SARM1: variants seen among roughly 807,000 people sequenced by gnomAD.
The protein encoded by SARM1 is sterile alpha and TIR motif containing 1, also known as NAD(+) hydrolase SARM1.
In SARM1, 60 loss-of-function variants were observed where a neutral mutation model predicts 65.1. The observed-to-expected ratio is 0.92, with a 90% CI of 0.75 to 1.14. The LOEUF (loss-of-function observed/expected upper bound fraction) is 1.14, where lower values mean the gene tolerates loss of function less well. Ranked by LOEUF, SARM1 falls within the 50% of genes most tolerant of loss-of-function variation. The probability of loss-of-function intolerance (pLI) is 0.00; values close to 1 mark genes in which losing one functional copy is unlikely to be tolerated. For missense variants in SARM1, 913 were observed against 1,015.7 expected (o/e 0.90, Z 1.37); for synonymous variants, 417 against 465.4 (o/e 0.90, Z 1.34).
Position 28,381,343 on chromosome 17 carries a change from C to T in SARM1, c.611C>T (p.Ala204Val). The change falls in exon 2 of 9, where the codon GCG becomes GTG. Residue 204 changes from alanine to valine, a missense_variant. Coordinates refer to ENST00000585482, the MANE Select transcript of SARM1 (RefSeq NM_015077.4). The stretch of plus-strand genomic sequence containing the variant: ...GAGGAGACATGCCAGAGGCTGGTGG[C>T]GGCCGGCGGCCTGGACGCGGTGCTG... ...HSEETCQRLVAAGGLDAVLYW... is the reference protein window; with the variant it reads ...HSEETCQRLVVAGGLDAVLYW... The T allele has an allele frequency of 6.3e-7, 1 of 1,586,434 alleles. No homozygotes were observed. Among genetic ancestry groups the T allele is most frequent in the Non-Finnish European group, 8.6e-7 (1 of 1,167,638 alleles).
Position 28,388,188 on chromosome 17 carries a change from C to T in SARM1, c.1645C>T (p.Pro549Ser). 1 of 1,549,714 alleles carries T rather than the reference C, an allele frequency of 6.5e-7. No individual in the cohort carries two copies. Among genetic ancestry groups the T allele is most frequent in the South Asian group, 1.2e-5 (1 of 83,978 alleles). Residue 549 changes from proline to serine, a missense_variant, in exon 6 of 9, where the codon CCG becomes TCG. Pro to Ser is a moderately conservative substitution (Grantham distance 74). Transcript: ENST00000585482. Reference sequence around the variant, plus strand: ...GCCCACTTCAGAAATGCTACACTCCCCGCTGCCCTGTACTGGTGGCAAACC... The same window carrying T: ...GCCCACTTCAGAAATGCTACACTCCTCGCTGCCCTGTACTGGTGGCAAACC... Reference protein sequence around the residue: ...LTAAREMLHSPLPCTGGKPSG... With the variant: ...LTAAREMLHSSLPCTGGKPSG...
At chr17:28,380,291 C>T (rs961369996) in intron 1 of SARM1, among the ~76,000 whole-genome samples, 14 of 152,176 alleles carry the variant, frequency 9.2e-5, no homozygotes, top group African/African-American at 3.1e-4. Flanking sequence ...TCCTCAAACA[C>T]GTCAGCTCCT....
At chr17:28,395,726 G>T in intron 7 of SARM1, 179 bp from the exon 8 acceptor site, 1 of 635,628 alleles carries the variant, frequency 1.6e-6, no homozygotes, top group South Asian at 2.0e-5. Flanking sequence ...TCTGGGCAAA[G>T]GAAAAATATT....
In SARM1 at chr17:28,381,818, C is replaced by A; in HGVS notation, c.1086C>A (p.Thr362=). The A allele has an allele frequency of 6.9e-7, 1 of 1,444,862 alleles. No individual in the cohort carries two copies. The highest frequency in any genetic ancestry group is 1.4e-5 in the African/African-American group (1 of 68,966). The allele number at this position is 1,444,862 out of a possible 1,614,324, so 89.5% of individuals were successfully genotyped here. ...EAAIKSLQGK[T]KVFSDIGAIQ... is the part of the protein sequence containing the mutation. The stretch of plus-strand genomic sequence containing the variant: ...CCATCAAGAGCCTGCAAGGCAAGAC[C>A]AAGGTGGGTGCAGATGTGGGGTTGG... Residue 362 remains threonine, a synonymous_variant, in exon 2 of 9, where the codon ACC becomes ACA. Transcript: ENST00000585482.
intron 7 of SARM1, 132 bp from the exon 8 acceptor site, chr17:28,395,773 C>A: frequency 1.1e-6 from 1 of 879,606 alleles, no homozygotes; most frequent in Non-Finnish European, 1.8e-6. Flanking sequence ...AGGTAGACAT[C>A]AAGGTGGACA....
chr17:28,384,917 A>T lies in SARM1; in HGVS notation c.1381A>T (p.Ile461Phe). 2 of 1,566,634 alleles carry T rather than the reference A, an allele frequency of 1.3e-6. No individual in the cohort carries two copies. The highest frequency in any genetic ancestry group is 1.7e-6 in the Non-Finnish European group (2 of 1,155,812). The change falls in exon 4 of 9, where the codon ATC (isoleucine) becomes TTC (phenylalanine). Residue 461 changes from isoleucine (I) to phenylalanine (F), a missense_variant. Ile to Phe is a conservative substitution (Grantham distance 21, BLOSUM62 0). Around this residue, in one of 3 missense-constraint regions of SARM1, gnomAD observed 862 missense variants for 952.1 expected, o/e 0.91. Coordinates refer to ENST00000585482, the MANE Select transcript of SARM1 (RefSeq NM_015077.4). This position sits in a 1 kb window ranked among gnomAD's most constrained non-coding sequence, Gnocchi z 4.4. ...LQTDLGMKSG[I>F]TRKRFFRELT... ...GACCGACCTGGGCATGAAATCGGGC[A>T]TCACCCGCAAGAGGTACGGAGCCTC...
chr17:28,378,257 G>A (rs187654061), intron 1 of SARM1, among the ~76,000 whole-genome samples: 46 of 152,290 alleles, frequency 3.0e-4, no homozygotes, highest in African/African-American at 1.0e-3. Flanking sequence ...CCCCAGGTCC[G>A]ATCTCTTTTC....
Position 28,384,468 on chromosome 17 carries a change from G to T in SARM1, c.1201G>T (p.Val401Leu). The change falls in exon 3 of 9, where the codon GTG becomes TTG. Residue 401 changes from valine to leucine, a missense_variant. By Grantham distance (32) the Val-to-Leu change is conservative. Around this residue, in one of 3 missense-constraint regions of SARM1, gnomAD observed 862 missense variants for 952.1 expected, o/e 0.91. Coordinates refer to ENST00000585482, the MANE Select transcript of SARM1 (RefSeq NM_015077.4). This position sits in a 1 kb window ranked among gnomAD's most constrained non-coding sequence, Gnocchi z 4.4. ...CGCGCTGCGCCTGCTGGGCGAGGAG[G>T]TGCCACGGCCCATCCTGCCCTCCGT... ...KRALRLLGEE[V>L]PRPILPSVPS... 1 of 1,613,668 alleles carries T rather than the reference G, an allele frequency of 6.2e-7. No homozygotes were observed. The highest frequency in any genetic ancestry group is 1.1e-5 in the South Asian group (1 of 91,048).
chr17:28,392,810 G>A (rs1165936115), intron 7 of SARM1, among the ~76,000 whole-genome samples: 2 of 152,114 alleles, frequency 1.3e-5, no homozygotes, highest in African/African-American at 4.8e-5. Flanking sequence ...TGTCGTCCCA[G>A]CAGATGGCAA....
intron 2 of SARM1, among the ~76,000 whole-genome samples, chr17:28,382,341 GA>G (rs1555585404): frequency 1.3e-5 from 2 of 152,148 alleles, no homozygotes; most frequent in African/African-American, 4.8e-5. Context: ...GGAAGGGGAA[GA>G]AAGTGACTTC....
chr17:28,381,849 T>C, intron 2 of SARM1, 28 bp downstream of exon 2: 1 of 1,414,158 alleles, frequency 7.1e-7, no homozygotes, highest in Non-Finnish European at 9.2e-7. Flanking sequence ...GTTGGGTGGA[T>C]CAGGGGTTAG....
chr17:28,382,502 C>A (rs1249931674), intron 2 of SARM1, among the ~76,000 whole-genome samples: 2 of 152,042 alleles, frequency 1.3e-5, no homozygotes, highest in African/African-American at 4.8e-5. Flanking sequence ...AGCCAGATAA[C>A]CCCCATCGGA....
intron 5 of SARM1, among the ~76,000 whole-genome samples, chr17:28,387,807 T>C (rs1446870110): frequency 6.6e-6 from 1 of 152,196 alleles, no homozygotes; most frequent in East Asian, 1.9e-4. Context: ...TTGAGGCTGA[T>C]ACCCAGGTGT....
In SARM1 at chr17:28,399,876, G is replaced by A; in HGVS notation, c.*3590G>A. ...CTGAGAGCTGGAGGACAATATCCAGGGACATGGCTCTGGAAAATAACTTTT... is the reference window on the plus strand; with the variant it reads ...CTGAGAGCTGGAGGACAATATCCAGAGACATGGCTCTGGAAAATAACTTTT... On this transcript the variant is annotated 3_prime_UTR_variant, in exon 9 of 9. Coordinates refer to ENST00000585482, the MANE Select transcript of SARM1 (RefSeq NM_015077.4). The A allele has an allele frequency of 1.4e-6, 1 of 695,798 alleles. No homozygotes were observed. The highest frequency in any genetic ancestry group is 2.5e-6 in the Non-Finnish European group (1 of 394,664). The allele number at this position is 695,798 out of a possible 1,614,324, so 43.1% of individuals were successfully genotyped here.
intron 7 of SARM1, among the ~76,000 whole-genome samples, chr17:28,389,099 A>G (rs904192384): frequency 6.6e-6 from 1 of 152,174 alleles, no homozygotes; most frequent in South Asian, 2.1e-4. Flanking sequence ...AATAAATTCC[A>G]TGAGAGACAG....
intron 1 of SARM1, chr17:28,373,980 A>C (rs1448285744): frequency 6.6e-6 from 1 of 152,208 alleles, no homozygotes; most frequent in Non-Finnish European, 1.5e-5. Flanking sequence ...GAAAGGCAGG[A>C]TCCCCGCCAG....
chr17:28,381,805 T>A lies in SARM1; in HGVS notation c.1073T>A (p.Leu358Gln). The change falls in exon 2 of 9, where the codon CTG (leucine) becomes CAG (glutamine). Residue 358 changes from leucine (L) to glutamine (Q), a missense_variant. Leu to Gln is a moderately radical substitution (Grantham distance 113). Coordinates refer to ENST00000585482, the MANE Select transcript of SARM1 (RefSeq NM_015077.4). ...YLCAEAAIKS[L>Q]QGKTKVFSDI... is the part of the protein sequence containing the mutation. Reference sequence around the variant, plus strand: ...TGCGCCGAGGCTGCCATCAAGAGCCTGCAAGGCAAGACCAAGGTGGGTGCA... The same window carrying A: ...TGCGCCGAGGCTGCCATCAAGAGCCAGCAAGGCAAGACCAAGGTGGGTGCA... 6.9e-7 allele frequency: 1 copy of A among 1,450,154 alleles called. No individual in the cohort carries two copies. Among genetic ancestry groups the A allele is most frequent in the Non-Finnish European group, 9.1e-7 (1 of 1,100,148 alleles). 89.8% of individuals were successfully genotyped at this position (1,450,154 alleles called of 1,614,324 possible).
In SARM1 at chr17:28,381,485, C is replaced by T; in HGVS notation, c.753C>T (p.Ala251=). ...GACGCATGGTAGAGAAGCGCGCAGCCGAGTGGCTCTTCCCGCTCGCCTTCT... is the reference window on the plus strand; with the variant it reads ...GACGCATGGTAGAGAAGCGCGCAGCTGAGTGGCTCTTCCCGCTCGCCTTCT... ...VQRRMVEKRA[A]EWLFPLAFSK... is the part of the protein sequence containing the mutation. Residue 251 remains alanine, a synonymous_variant, in exon 2 of 9, where the codon GCC becomes GCT. Coordinates refer to ENST00000585482, the MANE Select transcript of SARM1 (RefSeq NM_015077.4). 1 of 1,554,612 alleles carries T rather than the reference C, an allele frequency of 6.4e-7. No individual in the cohort carries two copies. The highest frequency in any genetic ancestry group is 1.2e-5 in the South Asian group (1 of 84,284).
intron 1 of SARM1, among the ~76,000 whole-genome samples, chr17:28,380,994 C>T (rs1458309724): frequency 2.6e-5 from 4 of 152,020 alleles, no homozygotes; most frequent in Non-Finnish European, 4.4e-5. Flanking sequence ...AGGGGGAGAA[C>T]GGCTATGGCC....
Sources: allele counts gnomAD v4.1 joint callset (sites outside exome capture counted in the v4.1 genomes callset), GRCh38; gene constraint gnomAD v4.1.1; regional missense constraint gnomAD v4.1.1; non-coding constraint Gnocchi (gnomAD v3.1); transcripts MANE v1.5; gene names NCBI Gene and HGNC (gene_info 2026-07-23, HGNC 2026-07-21).